The following HEMK2 variants were observed in gnomAD, a reference collection of about 807,000 sequenced individuals.
HEMK2 encodes HemK methyltransferase 2, ETF1 glutamine and histone H4 lysine, also known as methyltransferase HEMK2.
the HEMK2 span, among the ~76,000 whole-genome samples, chr21:28,740,504 G>T: frequency 6.6e-6 from 1 of 152,190 alleles, no homozygotes; most frequent in African/African-American, 2.4e-5. Flanking sequence ...GATTGTTTAT[G>T]AATTAATCCA....
chr21:28,885,345 T>C, the HEMK2 span: 9 of 1,564,568 alleles, frequency 5.8e-6, no homozygotes, highest in South Asian at 3.4e-5. Context: ...TCCCCTGCCA[T>C]AGTCCTTCGC....
At chr21:28,882,117 T>C in the HEMK2 span, 2 of 1,496,678 alleles carry the variant, frequency 1.3e-6, no homozygotes, top group Non-Finnish European at 1.8e-6. Context: ...GCATCTTAAC[T>C]TTATTTGAAA....
the HEMK2 span, among the ~76,000 whole-genome samples, chr21:28,748,323 T>C: frequency 2.0e-5 from 3 of 152,312 alleles, no homozygotes; most frequent in African/African-American, 7.2e-5. Context: ...AGCATAAGAA[T>C]ATAAATTAAT....
the HEMK2 span, among the ~76,000 whole-genome samples, chr21:28,617,949 G>A: frequency 5.3e-5 from 8 of 152,052 alleles, no homozygotes; most frequent in Non-Finnish European, 1.2e-4. Flanking sequence ...CATCAAGCCT[G>A]GCTAATTTTT....
chr21:28,778,696 T>C, the HEMK2 span, among the ~76,000 whole-genome samples: 1 of 152,242 alleles, frequency 6.6e-6, no homozygotes, highest in Non-Finnish European at 1.5e-5. Flanking sequence ...TCTTTTCACG[T>C]GCTTTTTGCC....
the HEMK2 span, among the ~76,000 whole-genome samples, chr21:28,747,465 T>C: frequency 3.9e-4 from 59 of 152,314 alleles, no homozygotes; most frequent in Non-Finnish European, 6.5e-4. Flanking sequence ...AAAATACATA[T>C]GAAAATTAAT....
the HEMK2 span, among the ~76,000 whole-genome samples, chr21:28,801,203 G>A: frequency 0.026 from 3,912 of 152,242 alleles, 176 homozygotes; most frequent in African/African-American, 0.089. Flanking sequence ...GGGATTTAGC[G>A]TATGACAAAG....
At chr21:28,592,581 A>G in the HEMK2 span, among the ~76,000 whole-genome samples, 2 of 152,254 alleles carry the variant, frequency 1.3e-5, no homozygotes, top group African/African-American at 2.4e-5. Context: ...AAGGAGGCAG[A>G]CGACTCTGGA....
chr21:28,764,489 C>T, the HEMK2 span, among the ~76,000 whole-genome samples: 1 of 152,066 alleles, frequency 6.6e-6, no homozygotes. Flanking sequence ...AAAAAAGCTA[C>T]AATGAAACCT....
At chr21:28,697,346 T>C in the HEMK2 span, among the ~76,000 whole-genome samples, 2 of 152,154 alleles carry the variant, frequency 1.3e-5, no homozygotes, top group African/African-American at 4.8e-5. Flanking sequence ...GCTGCCAGTC[T>C]CTTTGCATAG....
At chr21:28,668,493 A>C in the HEMK2 span, among the ~76,000 whole-genome samples, 9 of 152,196 alleles carry the variant, frequency 5.9e-5, no homozygotes, top group African/African-American at 2.2e-4. Context: ...GAAGGAACAC[A>C]AGAGAAAAAA....
the HEMK2 span, among the ~76,000 whole-genome samples, chr21:28,699,044 C>T: frequency 2.0e-5 from 3 of 152,008 alleles, no homozygotes; most frequent in Non-Finnish European, 2.9e-5. Context: ...TGTTCACCTC[C>T]TAATATTATT....
chr21:28,781,379 C>A, the HEMK2 span, among the ~76,000 whole-genome samples: 1 of 152,112 alleles, frequency 6.6e-6, no homozygotes, highest in Non-Finnish European at 1.5e-5. Context: ...AGTAATTGGG[C>A]AAATGAGACA....
chr21:28,838,730 G>A, the HEMK2 span, among the ~76,000 whole-genome samples: 12 of 150,838 alleles, frequency 8.0e-5, no homozygotes, highest in South Asian at 2.1e-4. Context: ...ACCTGAAGTC[G>A]GTAGTTCGAG....
At chr21:28,752,858 A>G in the HEMK2 span, among the ~76,000 whole-genome samples, 1 of 152,334 alleles carries the variant, frequency 6.6e-6, no homozygotes, top group East Asian at 1.9e-4. Flanking sequence ...CCCCACTGTC[A>G]TGACACAGAG....
chr21:28,745,607 C>T, the HEMK2 span, among the ~76,000 whole-genome samples: 1 of 152,306 alleles, frequency 6.6e-6, no homozygotes, highest in Admixed American at 6.5e-5. Flanking sequence ...ACCTCACCAG[C>T]AGTTCCACTT....
At chr21:28,813,095 C>T in the HEMK2 span, among the ~76,000 whole-genome samples, 116 of 152,224 alleles carry the variant, frequency 7.6e-4, 1 homozygote, top group Admixed American at 6.4e-3. Flanking sequence ...TTGGAAGTTC[C>T]AGCCAGGGCA....
the HEMK2 span, among the ~76,000 whole-genome samples, chr21:28,635,856 C>T: frequency 6.8e-4 from 103 of 152,176 alleles, no homozygotes; most frequent in South Asian, 1.0e-3. Flanking sequence ...GCCCTGGGCA[C>T]GTGTAGTAAT....
chr21:28,710,021 C>G, the HEMK2 span, among the ~76,000 whole-genome samples: 1 of 152,184 alleles, frequency 6.6e-6, no homozygotes, highest in Non-Finnish European at 1.5e-5. Flanking sequence ...CCCATGTGGG[C>G]TCATCCAATA....
Sources: allele counts gnomAD v4.1 joint callset (sites outside exome capture counted in the v4.1 genomes callset), GRCh38; gene constraint gnomAD v4.1.1; transcripts MANE v1.5; gene names NCBI Gene and HGNC (gene_info 2026-07-23, HGNC 2026-07-21).